The following APBA2 variants were observed in gnomAD, a reference collection of about 807,000 sequenced individuals.
APBA2 encodes amyloid-beta A4 precursor protein-binding family A member 2.
In APBA2, 30 loss-of-function variants were observed where a neutral mutation model predicts 75.0. That is an observed-to-expected ratio of 0.40 (90% CI 0.30 to 0.54). The LOEUF (loss-of-function observed/expected upper bound fraction) is 0.54, where lower values mean the gene tolerates loss of function less well. Ranked by LOEUF, APBA2 falls within the 20% of genes least tolerant of loss-of-function variation. The pLI, the probability that APBA2 is intolerant of heterozygous loss-of-function variation, is 0.49. For synonymous variants in APBA2, 444 were observed against 409.6 expected (o/e 1.08, Z -1.01); for missense variants, 801 against 1,016.1 (o/e 0.79, Z 2.88).
chr15:29,093,354 C>T, intron 7 of APBA2, 134 bp downstream of exon 7: 2 of 1,349,080 alleles, frequency 1.5e-6, no homozygotes, highest in Admixed American at 2.0e-5. Flanking sequence ...AGGAGCGGCC[C>T]AGGTGCCAAC....
At chr15:28,973,721 T>C (rs1256042691) in intron 2 of APBA2, among the ~76,000 whole-genome samples, 1 of 152,148 alleles carries the variant, frequency 6.6e-6, no homozygotes, top group Non-Finnish European at 1.5e-5. Flanking sequence ...TGTTATATAT[T>C]CTGACAAAAT....
intron 1 of APBA2, among the ~76,000 whole-genome samples, chr15:28,906,899 T>G (rs1285715920): frequency 1.3e-5 from 2 of 152,230 alleles, no homozygotes; most frequent in Non-Finnish European, 2.9e-5. Flanking sequence ...ATTCCTCATT[T>G]GCTATATATA....
chr15:29,117,939 C>T lies in APBA2; in HGVS notation c.*806C>T, dbSNP rs986250463. 1 of 152,060 alleles carries T rather than the reference C, an allele frequency of 6.6e-6. No homozygotes were observed. Among genetic ancestry groups the T allele is most frequent in the African/African-American group, 2.4e-5 (1 of 41,236 alleles). 9.4% of individuals were successfully genotyped at this position (152,060 alleles called of 1,614,324 possible). ...TCTTTAAAATCGATCTACACACATC[C>T]ACGCACATGCGACCCCGAGGAAACG... On this transcript the variant is annotated 3_prime_UTR_variant, in exon 15 of 15. Coordinates refer to ENST00000683413, the MANE Select transcript of APBA2 (RefSeq NM_001353788.2).
chr15:28,901,190 G>A (rs2032829154), intron 1 of APBA2, among the ~76,000 whole-genome samples: 1 of 152,220 alleles, frequency 6.6e-6, no homozygotes. Context: ...GCTTGGCTCT[G>A]TCCGGTGCTT....
intron 3 of APBA2, among the ~76,000 whole-genome samples, chr15:29,039,963 T>TC (rs1033097743): frequency 3.9e-5 from 6 of 152,136 alleles, no homozygotes; most frequent in Non-Finnish European, 7.3e-5. Context: ...TGGGTTTTTT[T>TC]CCCTCCTTTG....
intron 4 of APBA2, among the ~76,000 whole-genome samples, chr15:29,068,376 T>C (rs2042468619): frequency 2.0e-5 from 3 of 152,256 alleles, no homozygotes; most frequent in African/African-American, 7.2e-5. Context: ...GAAGATTTTC[T>C]CATTTGAGAG....
intron 2 of APBA2, among the ~76,000 whole-genome samples, chr15:28,957,250 T>C (rs1384119125): frequency 6.6e-6 from 1 of 151,936 alleles, no homozygotes; most frequent in East Asian, 1.9e-4. Flanking sequence ...TTTTTTTAAG[T>C]ATTTTTAGTA....
At chr15:29,106,448 T>C (rs2044408782) in intron 11 of APBA2, among the ~76,000 whole-genome samples, 159 bp from the exon 12 acceptor site, 2 of 151,726 alleles carry the variant, frequency 1.3e-5, no homozygotes, top group African/African-American at 2.4e-5. Context: ...TGGGCAGGGC[T>C]CCCAGCCCAA....
At chr15:28,980,892 C>G (rs1386033632) in intron 2 of APBA2, among the ~76,000 whole-genome samples, 2 of 152,294 alleles carry the variant, frequency 1.3e-5, no homozygotes, top group South Asian at 2.1e-4. Context: ...CACACACCTA[C>G]AACCATCTGC....
intron 4 of APBA2, chr15:29,071,174 G>A: frequency 2.5e-5 from 10 of 398,712 alleles, no homozygotes; most frequent in South Asian, 1.6e-4. Flanking sequence ...GTTTCATCAA[G>A]CAGGCAAAAT....
At chr15:29,092,054 G>C (rs367847903) in intron 6 of APBA2, among the ~76,000 whole-genome samples, 1 of 152,208 alleles carries the variant, frequency 6.6e-6, no homozygotes, top group Non-Finnish European at 1.5e-5. Context: ...CTCAGAGGTC[G>C]GCTGACTGCA....
intron 2 of APBA2, among the ~76,000 whole-genome samples, chr15:28,946,673 G>C (rs1313812593): frequency 6.6e-6 from 1 of 152,110 alleles, no homozygotes; most frequent in African/African-American, 2.4e-5. Context: ...CCACCTCTTA[G>C]GTTCAAGCCA....
chr15:29,094,780 C>T (rs1218390973), intron 8 of APBA2, among the ~76,000 whole-genome samples: 3 of 152,150 alleles, frequency 2.0e-5, no homozygotes, highest in Non-Finnish European at 4.4e-5. Context: ...AGTTTTTGGG[C>T]TGGGTGCTGT....
chr15:29,086,098 T>A (rs1291206956), intron 6 of APBA2, among the ~76,000 whole-genome samples: 1 of 152,258 alleles, frequency 6.6e-6, no homozygotes, highest in Non-Finnish European at 1.5e-5. Context: ...TGTCCTTTCT[T>A]GTTCTCTCTT....
At chr15:28,899,784 C>T (rs141162894) in intron 1 of APBA2, among the ~76,000 whole-genome samples, 1,753 of 152,108 alleles carry the variant, frequency 0.012, 41 homozygotes, top group African/African-American at 0.04. Flanking sequence ...CCTTCGTGGT[C>T]GCCTCTGTGT....
At chr15:29,036,592 G>GA (rs2040766057) in intron 3 of APBA2, among the ~76,000 whole-genome samples, 2 of 152,204 alleles carry the variant, frequency 1.3e-5, no homozygotes, top group African/African-American at 4.8e-5. Context: ...TTGGGGTGCA[G>GA]AGACCTCAGG....
intron 9 of APBA2, among the ~76,000 whole-genome samples, chr15:29,099,889 C>T (rs1191890661): frequency 6.6e-6 from 1 of 152,244 alleles, no homozygotes; most frequent in African/African-American, 2.4e-5. Context: ...AGTAACTCTT[C>T]CGCTGGATCC....
intron 2 of APBA2, chr15:28,990,325 G>A (rs1196030146): frequency 6.6e-6 from 1 of 151,450 alleles, no homozygotes; most frequent in African/African-American, 2.4e-5. Flanking sequence ...CGGGAGAATT[G>A]CTTGAACCCG....
intron 2 of APBA2, among the ~76,000 whole-genome samples, chr15:28,949,186 C>A (rs994710822): frequency 6.6e-6 from 1 of 152,012 alleles, no homozygotes; most frequent in African/African-American, 2.4e-5. Context: ...TGCTGTGATA[C>A]AGACTGCTGT....
Sources: gnomAD v4.1 joint callset for allele counts (sites outside exome capture counted in the v4.1 genomes callset) on GRCh38, gnomAD v4.1.1 for gene constraint, MANE v1.5 for transcripts, NCBI Gene and HGNC (gene_info 2026-07-23, HGNC 2026-07-21) for gene names.